The following BAHCC1 variants were observed in gnomAD, a reference collection of about 807,000 sequenced individuals.
The protein encoded by BAHCC1 is BAH domain and coiled-coil containing 1, also known as BAH and coiled-coil domain-containing protein 1.
BAHCC1 carries 43 observed loss-of-function variants against 88.2 expected under a neutral mutation model. The ratio of observed to expected loss-of-function variants is 0.49; its 90% CI spans 0.38 to 0.63. The LOEUF (loss-of-function observed/expected upper bound fraction) is 0.63. BAHCC1 is among the 20% of genes least tolerant of loss of function. The pLI, the probability that BAHCC1 is intolerant of heterozygous loss-of-function variation, is 0.00. For missense variants in BAHCC1, 3,023 were observed against 1,654.8 expected, an observed-to-expected ratio of 1.83 and a Z score of -14.34; for synonymous variants, 1,510 against 745.5, an observed-to-expected ratio of 2.03 and a Z score of -16.71.
intron 3 of BAHCC1, among the ~76,000 whole-genome samples, chr17:81,430,377 G>A (rs1443036144): frequency 6.6e-6 from 1 of 152,136 alleles, no homozygotes; most frequent in Non-Finnish European, 1.5e-5. Context: ...AGCCATGGGG[G>A]CGGCAGGCAC....
Position 81,451,858 on chromosome 17 carries a change from C to T in BAHCC1, c.4167C>T (p.Pro1389=). The change falls in exon 12 of 28, where the codon CCC becomes CCT. Residue 1389 remains proline, a synonymous_variant. Transcript: ENST00000675386. ...TGCAGCGCAAGGACACCTGGACCCC[C>T]AAGACCAAGCCTGTGAGTGGAGGTC... The part of the protein sequence containing the change: ...QILQRKDTWT[P]KTKPVCPLKA... 1 of 741,942 alleles carries T rather than the reference C, an allele frequency of 1.3e-6. No homozygotes were observed. The allele number at this position is 741,942 out of a possible 1,614,324, so 46.0% of individuals were successfully genotyped here.
chr17:81,413,273 T>G (rs2143283907), intron 2 of BAHCC1: 1 of 240,002 alleles, frequency 4.2e-6, no homozygotes, highest in East Asian at 1.8e-4. Context: ...TTTGTGCCTT[T>G]CCTCTGCCCC....
intron 2 of BAHCC1, among the ~76,000 whole-genome samples, chr17:81,407,566 A>G (rs1483274995): frequency 2.6e-5 from 4 of 152,222 alleles, no homozygotes; most frequent in Non-Finnish European, 5.9e-5. Flanking sequence ...TGAGCCCAGG[A>G]TGGGGGTGCC....
chr17:81,425,071 T>TTGGTGGGTGATGTGGTTGGTGGTGATAG (rs2064161757), intron 2 of BAHCC1, among the ~76,000 whole-genome samples: 1 of 60,158 alleles, frequency 1.7e-5, no homozygotes, highest in Non-Finnish European at 3.2e-5. Context: ...GGTGATGTGG[T>TTGGTGGGTGATGTGGTTGGTGGTGATAG]TGGTGGGTGA....
intron 17 of BAHCC1, 125 bp downstream of exon 17, chr17:81,457,717 C>G (rs1219471328): frequency 1.7e-5 from 10 of 576,226 alleles, no homozygotes; most frequent in Non-Finnish European, 3.1e-5. Context: ...TGCTGGGTAA[C>G]CAGGAGGGAG....
At chr17:81,432,176 G>T (rs1448625079) in intron 3 of BAHCC1, among the ~76,000 whole-genome samples, 2 of 152,178 alleles carry the variant, frequency 1.3e-5, no homozygotes, top group Non-Finnish European at 2.9e-5. Context: ...TCCACTGCTG[G>T]GGCCAGTGGC....
intron 2 of BAHCC1, among the ~76,000 whole-genome samples, chr17:81,424,547 T>C (rs1474485008): frequency 6.6e-6 from 1 of 152,044 alleles, no homozygotes; most frequent in Non-Finnish European, 1.5e-5. Flanking sequence ...TTGATGATGA[T>C]TGGTGATTGA....
chr17:81,416,052 G>T (rs963815698), intron 2 of BAHCC1, among the ~76,000 whole-genome samples: 7 of 150,486 alleles, frequency 4.7e-5, no homozygotes. Flanking sequence ...ATGTGTGCGT[G>T]TGTGTCCATG....
chr17:81,418,301 TCTC>T (rs2064061143), intron 2 of BAHCC1, among the ~76,000 whole-genome samples: 1 of 152,098 alleles, frequency 6.6e-6, no homozygotes, highest in Non-Finnish European at 1.5e-5. Flanking sequence ...GGGTCCTGCT[TCTC>T]CACCACAGAG....
intron 2 of BAHCC1, among the ~76,000 whole-genome samples, chr17:81,412,351 G>C (rs1409868288): frequency 6.6e-6 from 1 of 152,096 alleles, no homozygotes; most frequent in Non-Finnish European, 1.5e-5. Flanking sequence ...ATGCATTTTT[G>C]GGCTAACTCT....
At position 81,462,126 on chromosome 17, in the gene BAHCC1, C is replaced by T. The variant is rs545236515; in HGVS notation, c.7383+80C>T. ...GCTCATGCGCCCCTGCTGCCCTTCCCTCTCCTTTTTCATCTTCCTACTTGA... is the reference window on the plus strand; with the variant it reads ...GCTCATGCGCCCCTGCTGCCCTTCCTTCTCCTTTTTCATCTTCCTACTTGA... On this transcript the variant is annotated intron_variant, in intron 26 of 27. Coordinates refer to ENST00000675386, the MANE Select transcript of BAHCC1 (RefSeq NM_001377448.1). The T allele has an allele frequency of 1.4e-5, 9 of 640,246 alleles. No homozygotes were observed. In the East Asian group the frequency reaches 1.8e-4, roughly 13 times the overall value. The allele number at this position is 640,246 out of a possible 1,614,324, so 39.7% of individuals were successfully genotyped here.
In BAHCC1 at chr17:81,465,515, C is replaced by T. The variant is rs2030643866; in HGVS notation, c.*1698C>T. On this transcript the variant is annotated 3_prime_UTR_variant, in exon 28 of 28. Coordinates refer to ENST00000675386, the MANE Select transcript of BAHCC1 (RefSeq NM_001377448.1). ...ATGGGGGGCCACACACTCCTTATATCCTCCCACACTAAGGTTCCCCTGGCC... is the reference window on the plus strand; with the variant it reads ...ATGGGGGGCCACACACTCCTTATATTCTCCCACACTAAGGTTCCCCTGGCC... The T allele has an allele frequency of 6.6e-6, 1 of 152,348 alleles. No homozygotes were observed. Among genetic ancestry groups the T allele is most frequent in the Admixed American group, 6.5e-5 (1 of 15,292 alleles). 9.4% of individuals were successfully genotyped at this position (152,348 alleles called of 1,614,324 possible).
At chr17:81,433,586 C>T (rs1374055501) in intron 3 of BAHCC1, among the ~76,000 whole-genome samples, 3 of 147,704 alleles carry the variant, frequency 2.0e-5, no homozygotes, top group African/African-American at 5.1e-5. Flanking sequence ...ATCAGTCCAC[C>T]GAGGTCCCCG....
intron 18 of BAHCC1, 66 bp downstream of exon 18, chr17:81,458,532 C>CCTACCCCGCA: frequency 1.5e-6 from 1 of 646,554 alleles, no homozygotes. Flanking sequence ...CCTTCCCCGC[C>CCTACCCCGCA]CTCCCCCGCA....
chr17:81,423,488 C>T (rs2064139412), intron 2 of BAHCC1, among the ~76,000 whole-genome samples: 1 of 152,242 alleles, frequency 6.6e-6, no homozygotes, highest in South Asian at 2.1e-4. Flanking sequence ...TCCTGACTCA[C>T]CTCGGGCTGG....
At chr17:81,419,860 C>T (rs1408126365) in intron 2 of BAHCC1, among the ~76,000 whole-genome samples, 4 of 150,438 alleles carry the variant, frequency 2.7e-5, no homozygotes, top group Non-Finnish European at 4.4e-5. Flanking sequence ...CTCGGCGGCT[C>T]ACTTAACTCA....
rs868923062 is a variant in BAHCC1, at chr17:81,447,456, C to T, written c.3584C>T (p.Ser1195Leu). Residue 1195 changes from serine to leucine, a missense_variant, in exon 11 of 28, where the codon TCG (serine) becomes TTG (leucine). Ser to Leu is a moderately radical substitution (Grantham distance 145). Transcript: ENST00000675386. The part of the protein sequence containing the change: ...RSREEGEQGP[S>L]SGASSQVLEQ... ...AGGGAGGAGGGGGAGCAGGGGCCCT[C>T]GTCAGGGGCCTCCTCCCAAGTCCTG... 1.5e-5 allele frequency: 11 copies of T among 741,224 alleles called. 1 individual carries two copies. Among genetic ancestry groups the T allele is most frequent in the Admixed American group, 1.1e-4 (6 of 52,610 alleles). The allele number at this position is 741,224 out of a possible 1,614,324, so 45.9% of individuals were successfully genotyped here. A position where few individuals can be genotyped will look rare whatever the true frequency, so the allele number is the denominator to read the frequency against.
rs782435657 is a variant in BAHCC1, at chr17:81,461,485, C to T, written c.6822C>T (p.Tyr2274=). The T allele has an allele frequency of 2.4e-5, 18 of 744,234 alleles. No homozygotes were observed. In the Admixed American group the frequency reaches 2.8e-4, roughly 11 times the overall value. 46.1% of individuals were successfully genotyped at this position (744,234 alleles called of 1,614,324 possible). ...CCATGGGGCTGGCGCTGCGCAAGTA[C>T]GCGGGCCAGGCAGAGTTCCCGCTGC... ...PLPMGLALRK[Y]AGQAEFPLPY... is the part of the protein sequence containing the mutation. Residue 2274 remains tyrosine (Y), a synonymous_variant, in exon 26 of 28, where the codon TAC becomes TAT. Transcript: ENST00000675386.
intron 2 of BAHCC1, chr17:81,402,520 C>T (rs2063830435): frequency 1.3e-5 from 2 of 152,244 alleles, no homozygotes; most frequent in Non-Finnish European, 2.9e-5. Flanking sequence ...CCTTGCTTCC[C>T]ATTTTCCTGG....
Sources: gnomAD v4.1 joint callset for allele counts (sites outside exome capture counted in the v4.1 genomes callset) on GRCh38, gnomAD v4.1.1 for gene constraint, MANE v1.5 for transcripts, NCBI Gene and HGNC (gene_info 2026-07-23, HGNC 2026-07-21) for gene names.